Variants in CACNB2 observed in about 807,000 individuals in gnomAD.
CACNB2 encodes calcium voltage-gated channel auxiliary subunit beta 2.
CACNB2 carries 42 observed loss-of-function variants against 73.3 expected under a neutral mutation model. That is an observed-to-expected ratio of 0.57 (90% CI 0.45 to 0.74). The LOEUF (loss-of-function observed/expected upper bound fraction) is 0.74. Among genes scored for constraint, CACNB2 ranks in the 30% least tolerant of loss-of-function variants. The pLI is 0.00. For synonymous variants in CACNB2, 348 were observed against 310.3 expected, an observed-to-expected ratio of 1.12 and a Z score of -1.28; for missense variants, 940 against 853.0, an observed-to-expected ratio of 1.10 and a Z score of -1.27.
At chr10:18,228,455 A>AAAAAAAGAAAAG (rs2036100021) in intron 2 of CACNB2, among the ~76,000 whole-genome samples, 1 of 150,018 alleles carries the variant, frequency 6.7e-6, no homozygotes, top group Non-Finnish European at 1.5e-5. Context: ...AAAAAGAAAA[A>AAAAAAAGAAAAG]AAAAAAGAAA....
intron 2 of CACNB2, among the ~76,000 whole-genome samples, chr10:18,396,444 G>C (rs147546074): frequency 6.6e-6 from 1 of 152,140 alleles, no homozygotes; most frequent in Non-Finnish European, 1.5e-5. Context: ...CTTTCCCCTT[G>C]GTCCTGGCCC....
At chr10:18,481,191 G>GATATATATAT (rs1564598989) in intron 3 of CACNB2, among the ~76,000 whole-genome samples, 3 of 40,522 alleles carry the variant, frequency 7.4e-5, no homozygotes, top group African/African-American at 3.3e-4. Context: ...TTACATCTTC[G>GATATATATAT]CTATATATAT....
At chr10:18,478,999 G>A (rs186386938) in intron 3 of CACNB2, among the ~76,000 whole-genome samples, 2 of 151,956 alleles carry the variant, frequency 1.3e-5, no homozygotes, top group East Asian at 1.9e-4. Flanking sequence ...TCAAGGTTGC[G>A]GTGAGTTCTG....
At chr10:18,460,813 G>A (rs79298620) in intron 3 of CACNB2, among the ~76,000 whole-genome samples, 2,705 of 151,376 alleles carry the variant, frequency 0.018, 85 homozygotes, top group African/African-American at 0.063. Context: ...CCACTTGAGC[G>A]TGGGAGGTTG....
intron 2 of CACNB2, among the ~76,000 whole-genome samples, chr10:18,245,947 G>A (rs2036843372): frequency 6.6e-6 from 1 of 152,184 alleles, no homozygotes; most frequent in Non-Finnish European, 1.5e-5. Flanking sequence ...TAGGTGCTGG[G>A]GAAGGAGTGA....
chr10:18,455,428 A>G (rs1225791987), intron 3 of CACNB2, among the ~76,000 whole-genome samples: 1 of 152,160 alleles, frequency 6.6e-6, no homozygotes, highest in African/African-American at 2.4e-5. Context: ...ATAAGAAAAC[A>G]TTTTCAGAGA....
chr10:18,336,518 C>G (rs1420771796), intron 2 of CACNB2, among the ~76,000 whole-genome samples: 1 of 152,012 alleles, frequency 6.6e-6, no homozygotes, highest in Non-Finnish European at 1.5e-5. Flanking sequence ...ACTCGAGAGG[C>G]TGAGGCATAA....
chr10:18,216,505 A>G (rs2035518080), intron 2 of CACNB2, among the ~76,000 whole-genome samples: 1 of 152,226 alleles, frequency 6.6e-6, no homozygotes, highest in African/African-American at 2.4e-5. Context: ...CAACAGTCTT[A>G]ACACCTGATT....
At chr10:18,515,171 A>T (rs551429822) in intron 7 of CACNB2, 127 of 741,568 alleles carry the variant, frequency 1.7e-4, no homozygotes, top group Non-Finnish European at 2.9e-4. Context: ...GCCATTGGCC[A>T]TCCAAGATGC....
chr10:18,383,774 C>T (rs1457750775), intron 2 of CACNB2, among the ~76,000 whole-genome samples: 1 of 152,110 alleles, frequency 6.6e-6, no homozygotes, highest in Non-Finnish European at 1.5e-5. Context: ...GGCTCAATCT[C>T]GACTCGGTAC....
intron 3 of CACNB2, among the ~76,000 whole-genome samples, chr10:18,422,113 G>A (rs1001865046): frequency 2.0e-4 from 31 of 152,332 alleles, no homozygotes; most frequent in East Asian, 5.8e-4. Context: ...CCAAAAGACC[G>A]TTTCAAGTTC....
At chr10:18,168,588 C>G (rs1269176366) in intron 2 of CACNB2, among the ~76,000 whole-genome samples, 1 of 151,882 alleles carries the variant, frequency 6.6e-6, no homozygotes, top group Non-Finnish European at 1.5e-5. Context: ...TATGAAGCAC[C>G]TCACACTGCC....
At chr10:18,147,245 A>T (rs1020005266) in intron 1 of CACNB2, among the ~76,000 whole-genome samples, 2 of 152,240 alleles carry the variant, frequency 1.3e-5, no homozygotes, top group Non-Finnish European at 2.9e-5. Context: ...CTAAGCTGAT[A>T]TTAACATCAT....
At chr10:18,498,891 T>C in intron 4 of CACNB2, 1 of 213,620 alleles carries the variant, frequency 4.7e-6, no homozygotes, top group South Asian at 7.3e-5. Context: ...AGTGTCTCAA[T>C]ACAAACTACT....
At chr10:18,509,107 C>G (rs2050633660) in intron 6 of CACNB2, among the ~76,000 whole-genome samples, 1 of 152,118 alleles carries the variant, frequency 6.6e-6, no homozygotes, top group African/African-American at 2.4e-5. Flanking sequence ...GTATAATAAG[C>G]ATATTAGGAC....
intron 3 of CACNB2, among the ~76,000 whole-genome samples, chr10:18,444,688 C>G (rs1447291295): frequency 6.6e-6 from 1 of 152,146 alleles, no homozygotes; most frequent in Non-Finnish European, 1.5e-5. Flanking sequence ...CTATGCTACT[C>G]TAGATTTCCG....
At chr10:18,213,160 C>T (rs1198357995) in intron 2 of CACNB2, among the ~76,000 whole-genome samples, 2 of 152,146 alleles carry the variant, frequency 1.3e-5, no homozygotes, top group Non-Finnish European at 2.9e-5. Context: ...CACAGCCTGA[C>T]CACTGATACA....
intron 2 of CACNB2, among the ~76,000 whole-genome samples, chr10:18,163,799 C>A (rs1347392995): frequency 6.6e-6 from 1 of 152,092 alleles, no homozygotes; most frequent in South Asian, 2.1e-4. Flanking sequence ...AAATAAAGGG[C>A]AGGAGTTCTG....
intron 3 of CACNB2, among the ~76,000 whole-genome samples, chr10:18,448,406 C>G (rs542078601): frequency 7.4e-6 from 1 of 135,308 alleles, no homozygotes; most frequent in Non-Finnish European, 1.5e-5. Flanking sequence ...ACCTGGGAGG[C>G]GGAGGTTGCG....
Sources: allele counts gnomAD v4.1 joint callset (sites outside exome capture counted in the v4.1 genomes callset), GRCh38; gene constraint gnomAD v4.1.1; transcripts MANE v1.5; gene names NCBI Gene and HGNC (gene_info 2026-07-23, HGNC 2026-07-21).